The following CTBP2 variants were observed in gnomAD, a reference collection of about 807,000 sequenced individuals.
The protein encoded by CTBP2 is C-terminal binding protein 2, also known as C-terminal-binding protein 2.
A neutral mutation model predicts 80.3 loss-of-function variants in CTBP2; 30 were observed. The ratio of observed to expected loss-of-function variants is 0.37; its 90% CI spans 0.28 to 0.51. The LOEUF (loss-of-function observed/expected upper bound fraction) is 0.51. CTBP2 is among the 20% of genes least tolerant of loss of function. CTBP2 has a pLI of 0.93. For missense variants in CTBP2, 1,212 were observed against 1,375.3 expected (o/e 0.88, Z 1.88); for synonymous variants, 594 against 587.4 (o/e 1.01, Z -0.16).
At chr10:125,146,572 C>T (rs919526222) in intron 1 of CTBP2, among the ~76,000 whole-genome samples, 6 of 152,182 alleles carry the variant, frequency 3.9e-5, no homozygotes, top group African/African-American at 1.2e-4. Context: ...CATGAGCCAC[C>T]CCACCTGGCC....
intron 1 of CTBP2, among the ~76,000 whole-genome samples, chr10:125,023,592 GCCC>G (rs1206310461): frequency 6.6e-6 from 1 of 152,118 alleles, no homozygotes; most frequent in Non-Finnish European, 1.5e-5. Context: ...CGGGCCTGGA[GCCC>G]CCATTTGTCT....
At chr10:125,050,656 T>C (rs1962507225) in intron 2 of CTBP2, among the ~76,000 whole-genome samples, 1 of 152,210 alleles carries the variant, frequency 6.6e-6, no homozygotes, top group Admixed American at 6.5e-5. Context: ...GTTTCTGTTA[T>C]GGGGTGTCGC....
chr10:125,009,040 T>C (rs2018366), intron 1 of CTBP2, among the ~76,000 whole-genome samples: 35,421 of 152,158 alleles, frequency 0.23, 4,266 homozygotes, highest in Middle Eastern at 0.28. Flanking sequence ...AAATAGAGAA[T>C]GTGAGGTCCC....
rs77077689 is a variant in CTBP2, at chr10:125,092,915, G to A, written c.-102+18075C>T. 2.8e-4 allele frequency among the ~76,000 whole-genome samples: 40 copies of A among 143,450 alleles called. No individual in the cohort carries two copies. The East Asian group carries it at 4.9e-3, about 18-fold the overall frequency. 94.1% of individuals were successfully genotyped at this position (143,450 alleles called of 152,430 possible). ...AGGAAAACAGCCCGCCTTCTAGAGT[G>A]GGGGGGGGCAGCACGTGCTTCCTGA... On this transcript the variant is annotated intron_variant, in intron 2 of 10. Coordinates refer to the CTBP2 transcript ENST00000337195.
chr10:125,076,513 C>T (rs1481202159), intron 2 of CTBP2, among the ~76,000 whole-genome samples: 1 of 152,188 alleles, frequency 6.6e-6, no homozygotes, highest in Non-Finnish European at 1.5e-5. Flanking sequence ...GGCCACCTCC[C>T]TTCTTTCATC....
At position 125,152,348 on chromosome 10, in the gene CTBP2, A is replaced by C. The variant is rs564148447; in HGVS notation, c.-206+7971T>G. On this transcript the variant is annotated intron_variant, in intron 1 of 10. Coordinates refer to the CTBP2 transcript ENST00000337195. ...CGCCCCCTCCAGGTAGAGCGCGGCC[A>C]GGTGTGGCGGACTGGCGCTCCCCGC... is the stretch of plus-strand genomic sequence containing the variant. Among the ~76,000 whole-genome samples, 501 of 152,270 alleles carry C rather than the reference A, an allele frequency of 3.3e-3. 3 individuals are homozygous for C. Among genetic ancestry groups the C allele is most frequent in the Non-Finnish European group, 4.1e-3 (282 of 67,990 alleles).
intron 2 of CTBP2, among the ~76,000 whole-genome samples, chr10:125,061,894 A>G (rs2135353599): frequency 6.6e-6 from 1 of 152,264 alleles, no homozygotes; most frequent in Admixed American, 6.5e-5. Context: ...CATTCCTCCC[A>G]ACAGTCTTAG....
intron 2 of CTBP2, among the ~76,000 whole-genome samples, chr10:125,102,525 TG>T (rs1850792293): frequency 6.6e-6 from 1 of 151,846 alleles, no homozygotes; most frequent in Non-Finnish European, 1.5e-5. Flanking sequence ...TGCAGGGGGG[TG>T]GGGATCAGAG....
intron 1 of CTBP2, among the ~76,000 whole-genome samples, chr10:125,146,517 A>G (rs1434464134): frequency 6.6e-6 from 1 of 152,158 alleles, no homozygotes. Flanking sequence ...TCCTGATCTT[A>G]GGTGATCCAC....
chr10:125,084,088 C>T (rs1170119816), intron 2 of CTBP2, among the ~76,000 whole-genome samples: 2 of 152,118 alleles, frequency 1.3e-5, no homozygotes, highest in East Asian at 1.9e-4. Context: ...GCCCCAGCTA[C>T]GTTTTTTGAT....
At chr10:125,128,679 A>G (rs1170957770) in intron 1 of CTBP2, among the ~76,000 whole-genome samples, 2 of 152,256 alleles carry the variant, frequency 1.3e-5, no homozygotes, top group Admixed American at 6.5e-5. Context: ...AACGTTCTGT[A>G]GGGTGGTTTA....
chr10:125,161,911 G>A (rs539831546), upstream of CTBP2, among the ~76,000 whole-genome samples: 258 of 152,228 alleles, frequency 1.7e-3, 2 homozygotes, highest in Non-Finnish European at 2.9e-3. Context: ...TCTGCACAGC[G>A]AGCCTGGGAA....
rs909854801 is a variant in CTBP2, at chr10:124,985,987, G to A, written c.*3531C>T. The stretch of plus-strand genomic sequence containing the variant: ...GAATACCAATTCACTACAGAATAAA[G>A]ATTTTAAAAATGCAATAAGGTGGCA... On this transcript the variant is annotated 3_prime_UTR_variant, in exon 9 of 9. Coordinates refer to ENST00000309035, the MANE Select transcript of CTBP2 (RefSeq NM_022802.3). 1.3e-5 allele frequency: 2 copies of A among 152,274 alleles called. No homozygotes were observed. The highest frequency in any genetic ancestry group is 6.5e-5 in the Admixed American group (1 of 15,274). 9.4% of individuals were successfully genotyped at this position (152,274 alleles called of 1,614,324 possible). A position where few individuals can be genotyped will look rare whatever the true frequency, so the allele number is the denominator to read the frequency against.
chr10:125,062,996 C>A (rs1844048892), intron 2 of CTBP2, among the ~76,000 whole-genome samples: 1 of 152,254 alleles, frequency 6.6e-6, no homozygotes, highest in South Asian at 2.1e-4. Flanking sequence ...TCTGGCGTTC[C>A]AGTGAGCAGG....
chr10:125,006,659 C>A (rs916524824), intron 1 of CTBP2, among the ~76,000 whole-genome samples: 1 of 152,214 alleles, frequency 6.6e-6, no homozygotes, highest in Non-Finnish European at 1.5e-5. Context: ...GGATTCCTGA[C>A]GCCTCTTTCA....
At chr10:125,059,295 T>C (rs888132771) in intron 2 of CTBP2, among the ~76,000 whole-genome samples, 4 of 152,074 alleles carry the variant, frequency 2.6e-5, no homozygotes, top group Admixed American at 6.6e-5. Flanking sequence ...GAAATGTGAA[T>C]TGAGGCCGGG....
At chr10:125,086,548 G>A (rs1157053478) in intron 2 of CTBP2, among the ~76,000 whole-genome samples, 1 of 149,908 alleles carries the variant, frequency 6.7e-6, no homozygotes. Flanking sequence ...CTGGGAGGTG[G>A]AGGTTGCGGT....
At position 125,026,818 on chromosome 10, in the gene CTBP2, G is replaced by A. The variant is rs1172445666; in HGVS notation, c.942C>T (p.Gly314=). 1.9e-6 allele frequency: 3 copies of A among 1,613,466 alleles called. No homozygotes were observed. The highest frequency in any genetic ancestry group is 1.7e-5 in the Admixed American group (1 of 60,032). Residue 314 remains glycine, a synonymous_variant, in exon 1 of 9, where the codon GGC becomes GGT. Transcript: ENST00000309035. ...TAGCCAGGACGGCCGGGGAGTCAAA[G>A]CCCTGCTGCAGTAGGGCTCCCAGCG...
intron 1 of CTBP2, among the ~76,000 whole-genome samples, chr10:125,143,048 A>G (rs1858114553): frequency 6.6e-6 from 1 of 152,042 alleles, no homozygotes; most frequent in Non-Finnish European, 1.5e-5. Flanking sequence ...TGCCCACCCC[A>G]GCTCGCGGAA....
Sources: allele counts gnomAD v4.1 joint callset (sites outside exome capture counted in the v4.1 genomes callset), GRCh38; gene constraint gnomAD v4.1.1; transcripts MANE v1.5; gene names NCBI Gene and HGNC (gene_info 2026-07-23, HGNC 2026-07-21).